CSMD1: variants seen among roughly 807,000 people sequenced by gnomAD.
The protein encoded by CSMD1 is CUB and sushi domain-containing protein 1.
In CSMD1, 213 loss-of-function variants were observed where a neutral mutation model predicts 417.5. The ratio of observed to expected loss-of-function variants is 0.51; its 90% CI spans 0.46 to 0.57. The LOEUF is 0.57. Ranked by LOEUF, CSMD1 falls within the 20% of genes least tolerant of loss-of-function variation. The pLI is 0.00. For synonymous variants in CSMD1, 2,862 were observed against 1,736.8 expected, an observed-to-expected ratio of 1.65 and a Z score of -16.11; for missense variants, 6,923 against 4,529.7, an observed-to-expected ratio of 1.53 and a Z score of -15.17.
At chr8:3,188,080 ATG>A (rs1259674258) in intron 35 of CSMD1, 115 bp from the exon 36 acceptor site, 4 of 336,614 alleles carry the variant, frequency 1.2e-5, no homozygotes, top group African/African-American at 2.5e-5. Flanking sequence ...ATATATACAT[ATG>A]TATATGTATA....
intron 5 of CSMD1, among the ~76,000 whole-genome samples, chr8:3,764,393 C>A (rs1159286945): frequency 6.6e-6 from 1 of 152,154 alleles, no homozygotes; most frequent in Non-Finnish European, 1.5e-5. Context: ...ATACCACAAA[C>A]ATAATCAAAC....
At chr8:4,961,465 T>G (rs1317291380) in intron 1 of CSMD1, among the ~76,000 whole-genome samples, 1 of 152,164 alleles carries the variant, frequency 6.6e-6, no homozygotes, top group Non-Finnish European at 1.5e-5. Flanking sequence ...CTCAATACAG[T>G]GAAACATATT....
At chr8:4,204,471 G>C (rs1301145587) in intron 3 of CSMD1, among the ~76,000 whole-genome samples, 2 of 152,054 alleles carry the variant, frequency 1.3e-5, no homozygotes, top group Non-Finnish European at 2.9e-5. Flanking sequence ...GATTTTGTCA[G>C]CACTTTCTAG....
intron 63 of CSMD1, among the ~76,000 whole-genome samples, chr8:2,957,363 A>G (rs1803089850): frequency 6.6e-6 from 1 of 152,142 alleles, no homozygotes; most frequent in Non-Finnish European, 1.5e-5. Context: ...TTATGCACTT[A>G]TCTTCGGTTT....
intron 38 of CSMD1, among the ~76,000 whole-genome samples, chr8:3,159,329 C>T (rs1819736788): frequency 6.6e-6 from 1 of 152,104 alleles, no homozygotes; most frequent in South Asian, 2.1e-4. Flanking sequence ...GGACCCTGTG[C>T]ATTTATTTAC....
At chr8:3,309,261 C>T (rs1031970164) in intron 23 of CSMD1, among the ~76,000 whole-genome samples, 1 of 152,092 alleles carries the variant, frequency 6.6e-6, no homozygotes, top group Non-Finnish European at 1.5e-5. Context: ...AGCCCATTGT[C>T]AAGACCCGCC....
chr8:3,294,865 T>C (rs1177943995), intron 25 of CSMD1, among the ~76,000 whole-genome samples: 2 of 152,118 alleles, frequency 1.3e-5, no homozygotes, highest in African/African-American at 4.8e-5. Context: ...CAGTGAGATG[T>C]ACCCGGTACC....
chr8:3,147,503 C>T (rs1197099173), intron 40 of CSMD1, among the ~76,000 whole-genome samples: 1 of 152,150 alleles, frequency 6.6e-6, no homozygotes. Flanking sequence ...GGGAAGATGC[C>T]AAATTCATTT....
chr8:4,390,217 G>T (rs529291045), intron 3 of CSMD1, among the ~76,000 whole-genome samples: 1 of 152,140 alleles, frequency 6.6e-6, no homozygotes, highest in East Asian at 1.9e-4. Context: ...GACCAGTCAG[G>T]TTTCCTCTTT....
At chr8:4,533,642 C>T (rs1796951155) in intron 2 of CSMD1, among the ~76,000 whole-genome samples, 1 of 151,774 alleles carries the variant, frequency 6.6e-6, no homozygotes, top group Admixed American at 6.6e-5. Flanking sequence ...ATCTGGCAGA[C>T]CCCAAAACGA....
chr8:4,184,292 G>T (rs1798542619), intron 3 of CSMD1, among the ~76,000 whole-genome samples: 1 of 152,100 alleles, frequency 6.6e-6, no homozygotes, highest in African/African-American at 2.4e-5. Context: ...CGCTATTCAG[G>T]AATTAATGGC....
intron 5 of CSMD1, among the ~76,000 whole-genome samples, chr8:3,896,816 T>C (rs1584928883): frequency 6.6e-6 from 1 of 152,084 alleles, no homozygotes; most frequent in Non-Finnish European, 1.5e-5. Flanking sequence ...GGTCTGATTG[T>C]GACATCAAGT....
intron 5 of CSMD1, among the ~76,000 whole-genome samples, chr8:3,854,959 T>C (rs767521566): frequency 6.6e-6 from 1 of 151,424 alleles, no homozygotes; most frequent in Admixed American, 6.6e-5. Flanking sequence ...TGGAAAAACA[T>C]AGCATACATA....
At chr8:4,028,813 T>G (rs560973885) in intron 4 of CSMD1, among the ~76,000 whole-genome samples, 37 of 152,366 alleles carry the variant, frequency 2.4e-4, no homozygotes, top group South Asian at 1.0e-3. Flanking sequence ...GGCATCTCAT[T>G]AAGACCTCAA....
intron 5 of CSMD1, among the ~76,000 whole-genome samples, chr8:3,958,771 G>T (rs535438494): frequency 1.3e-5 from 2 of 152,190 alleles, no homozygotes; most frequent in Admixed American, 6.5e-5. Flanking sequence ...CTTCTGTCCA[G>T]TTCAAAGAGG....
intron 23 of CSMD1, among the ~76,000 whole-genome samples, chr8:3,323,301 CAATAATCTACCCTTCCCCATTTTCCCAA>C (rs1436614723): frequency 6.6e-6 from 1 of 152,144 alleles, no homozygotes; most frequent in Admixed American, 6.5e-5. Flanking sequence ...TTTTTACCTT[CAATAATCTACCCTTCCCCATTTTCCCAA>C]GTCTTACCTC....
At chr8:4,218,465 G>C (rs1005206447) in intron 3 of CSMD1, among the ~76,000 whole-genome samples, 3 of 152,114 alleles carry the variant, frequency 2.0e-5, no homozygotes, top group African/African-American at 7.2e-5. Flanking sequence ...TTCCATGAAA[G>C]TCTCAACCTC....
chr8:3,843,849 C>G (rs7819599), intron 5 of CSMD1, among the ~76,000 whole-genome samples: 175 of 152,178 alleles, frequency 1.1e-3, no homozygotes, highest in South Asian at 2.9e-3. Flanking sequence ...AATGTACCTT[C>G]GAAAGTAAAG....
rs183867435 is a variant in CSMD1, at chr8:3,974,966, C to A, written c.818+22937G>T. ...ATCAAAACTAACACCTGTTAAGAAT[C>A]CAGGATTTTCCCTATGTGGAATGCT... On this transcript the variant is annotated intron_variant, in intron 5 of 69. Coordinates refer to ENST00000635120, the MANE Select transcript of CSMD1 (RefSeq NM_033225.6). Among the ~76,000 whole-genome samples the A allele has an allele frequency of 3.8e-3, 573 of 152,158 alleles. 5 individuals are homozygous for A. Among genetic ancestry groups the A allele is most frequent in the African/African-American group, 0.013 (553 of 41,502 alleles).
Sources: gnomAD v4.1 joint callset for allele counts (sites outside exome capture counted in the v4.1 genomes callset) on GRCh38, gnomAD v4.1.1 for gene constraint, MANE v1.5 for transcripts, NCBI Gene and HGNC (gene_info 2026-07-23, HGNC 2026-07-21) for gene names.